The following KCNQ5 variants were observed in gnomAD, a reference collection of about 807,000 sequenced individuals.
KCNQ5 encodes the protein potassium voltage-gated channel subfamily Q member 5.
Under a neutral mutation model 98.2 loss-of-function variants are expected in KCNQ5, and 30 were observed. That is an observed-to-expected ratio of 0.31 (90% CI 0.23 to 0.41). The LOEUF (loss-of-function observed/expected upper bound fraction) is 0.41. Ranked by LOEUF, KCNQ5 falls within the 10% of genes least tolerant of loss-of-function variation. The pLI is 1.00. For missense variants in KCNQ5, 835 were observed against 1,182.5 expected, an observed-to-expected ratio of 0.71 and a Z score of 4.31; for synonymous variants, 458 against 449.4, an observed-to-expected ratio of 1.02 and a Z score of -0.24.
At chr6:73,042,158 A>G (rs762059385) in intron 3 of KCNQ5, 96 bp downstream of exon 3, 9 of 1,429,240 alleles carry the variant, frequency 6.3e-6, no homozygotes, top group Non-Finnish European at 8.9e-6. Flanking sequence ...AAAAGCTAAC[A>G]TCCATGGAGT....
At chr6:72,907,626 C>G (rs1281069114) in intron 1 of KCNQ5, among the ~76,000 whole-genome samples, 3 of 152,088 alleles carry the variant, frequency 2.0e-5, no homozygotes, top group African/African-American at 7.2e-5. Context: ...CCTTGACATT[C>G]CTATCAATCA....
chr6:72,673,155 C>T (rs1767224271), intron 1 of KCNQ5, among the ~76,000 whole-genome samples: 1 of 152,148 alleles, frequency 6.6e-6, no homozygotes, highest in Admixed American at 6.5e-5. Flanking sequence ...TCCAGTCTTG[C>T]CTGGAGTCAA....
At chr6:72,693,764 C>T (rs951864168) in intron 1 of KCNQ5, among the ~76,000 whole-genome samples, 1 of 152,152 alleles carries the variant, frequency 6.6e-6, no homozygotes, top group South Asian at 2.1e-4. Flanking sequence ...TAGCACCCCA[C>T]TGATTTAATT....
chr6:73,023,134 T>C (rs1361444815), intron 2 of KCNQ5, among the ~76,000 whole-genome samples: 2 of 152,088 alleles, frequency 1.3e-5, no homozygotes, highest in Non-Finnish European at 2.9e-5. Context: ...AGGACTAAAA[T>C]AGAGGCAGAA....
At chr6:73,153,883 A>G (rs1175804208) in intron 10 of KCNQ5, among the ~76,000 whole-genome samples, 5 of 133,406 alleles carry the variant, frequency 3.7e-5, no homozygotes, top group Non-Finnish European at 3.1e-5. Context: ...ATCTGTATCA[A>G]TCTGTAATCT....
At position 72,717,820 on chromosome 6, in the gene KCNQ5, G is replaced by A. The variant is rs566250866; in HGVS notation, c.398+95233G>A. ...TGTACCATGAATGCATTTCCCAAAAGCAGGAAAAATATTCCTAGCACTAAG... is the reference window on the plus strand; with the variant it reads ...TGTACCATGAATGCATTTCCCAAAAACAGGAAAAATATTCCTAGCACTAAG... On this transcript the variant is annotated intron_variant, in intron 1 of 13. Coordinates refer to ENST00000370398, the MANE Select transcript of KCNQ5 (RefSeq NM_019842.4). Among the ~76,000 whole-genome samples the A allele has an allele frequency of 3.3e-5, 5 of 152,268 alleles. No individual in the cohort carries two copies. The South Asian group carries it at 1.0e-3, about 32-fold the overall frequency.
chr6:72,894,451 G>T (rs1221998511), intron 1 of KCNQ5, among the ~76,000 whole-genome samples: 1 of 152,136 alleles, frequency 6.6e-6, no homozygotes, highest in Non-Finnish European at 1.5e-5. Flanking sequence ...TAACATCTTT[G>T]TTAGAAATAA....
chr6:72,976,671 A>C (rs986963093), intron 1 of KCNQ5, among the ~76,000 whole-genome samples: 1 of 152,232 alleles, frequency 6.6e-6, no homozygotes, highest in Non-Finnish European at 1.5e-5. Context: ...GGTCATTTTA[A>C]TGATGACTTG....
intron 2 of KCNQ5, among the ~76,000 whole-genome samples, chr6:73,031,887 T>C (rs1771166639): frequency 6.6e-6 from 1 of 152,148 alleles, no homozygotes; most frequent in Non-Finnish European, 1.5e-5. Context: ...GACCTCCCAG[T>C]ATAAGAGCAA....
chr6:73,160,881 T>A (rs984056019), intron 10 of KCNQ5, among the ~76,000 whole-genome samples: 1 of 152,228 alleles, frequency 6.6e-6, no homozygotes, highest in African/African-American at 2.4e-5. Context: ...ATTGGGATTT[T>A]TTTTTTAACA....
chr6:73,188,205 T>A (rs1034812295), intron 11 of KCNQ5, among the ~76,000 whole-genome samples: 1 of 152,230 alleles, frequency 6.6e-6, no homozygotes, highest in Non-Finnish European at 1.5e-5. Context: ...CTGGGTGGAA[T>A]CCTGATTTTG....
chr6:73,011,046 C>A (rs561344466), intron 2 of KCNQ5, among the ~76,000 whole-genome samples: 2 of 151,906 alleles, frequency 1.3e-5, no homozygotes, highest in Non-Finnish European at 2.9e-5. Flanking sequence ...TTAAAGGACC[C>A]CCAAATTGCC....
At chr6:72,645,437 C>T (rs1214899019) in intron 1 of KCNQ5, among the ~76,000 whole-genome samples, 1 of 151,194 alleles carries the variant, frequency 6.6e-6, no homozygotes, top group Non-Finnish European at 1.5e-5. Flanking sequence ...TAAAAAACCC[C>T]ACCAAATACT....
intron 1 of KCNQ5, among the ~76,000 whole-genome samples, chr6:72,852,672 A>G (rs1777325379): frequency 1.9e-5 from 1 of 51,592 alleles, no homozygotes; most frequent in African/African-American, 8.7e-5. Flanking sequence ...AATGGCACTT[A>G]ATGGTAAAGA....
chr6:72,731,672 G>A (rs550165497), intron 1 of KCNQ5, among the ~76,000 whole-genome samples: 1 of 152,296 alleles, frequency 6.6e-6, no homozygotes, highest in South Asian at 2.1e-4. Context: ...TTCAAGTGAA[G>A]CCGGTTCTCT....
chr6:72,669,475 T>A (rs530096649), intron 1 of KCNQ5, among the ~76,000 whole-genome samples: 1 of 152,326 alleles, frequency 6.6e-6, no homozygotes, highest in South Asian at 2.1e-4. Flanking sequence ...CTGCCACAGC[T>A]CTGCAGGGTG....
intron 1 of KCNQ5, among the ~76,000 whole-genome samples, chr6:72,911,896 C>T (rs1003340493): frequency 2.0e-5 from 3 of 152,118 alleles, no homozygotes; most frequent in Non-Finnish European, 4.4e-5. Context: ...ACTAAAGTTG[C>T]ATTACCTCTG....
At chr6:72,826,448 A>G (rs12216112) in intron 1 of KCNQ5, among the ~76,000 whole-genome samples, 37,912 of 151,828 alleles carry the variant, frequency 0.25, 5,086 homozygotes, top group South Asian at 0.47. Context: ...AATATGTACT[A>G]TTTCTAATTG....
At chr6:72,908,788 A>C (rs1261735355) in intron 1 of KCNQ5, among the ~76,000 whole-genome samples, 3 of 152,188 alleles carry the variant, frequency 2.0e-5, no homozygotes, top group African/African-American at 7.2e-5. Flanking sequence ...ATATGTGATG[A>C]TATTCAGGAT....
Sources: gnomAD v4.1 joint callset for allele counts (sites outside exome capture counted in the v4.1 genomes callset) on GRCh38, gnomAD v4.1.1 for gene constraint, MANE v1.5 for transcripts, NCBI Gene and HGNC (gene_info 2026-07-23, HGNC 2026-07-21) for gene names.